TOMM70: variants seen among roughly 807,000 people sequenced by gnomAD.
TOMM70 encodes mitochondrial import receptor subunit TOM70.
Under a neutral mutation model 73.6 loss-of-function variants are expected in TOMM70, and 13 were observed. The observed-to-expected ratio is 0.18, with a 90% CI of 0.11 to 0.28. The LOEUF (loss-of-function observed/expected upper bound fraction) is 0.28. Among genes scored for constraint, TOMM70 ranks in the 10% least tolerant of loss-of-function variants. The pLI, the probability that TOMM70 is intolerant of heterozygous loss-of-function variation, is 1.00. For synonymous variants in TOMM70, 257 were observed against 271.2 expected (o/e 0.95, Z 0.51); for missense variants, 609 against 747.5 (o/e 0.81, Z 2.16).
chr3:100,363,858 C>G lies in TOMM70; in HGVS notation c.*1706G>C, dbSNP rs543963797. The G allele has an allele frequency of 8.5e-5, 13 of 152,254 alleles. 1 individual carries two copies. The South Asian group carries it at 2.3e-3, about 27-fold the overall frequency. 9.4% of individuals were successfully genotyped at this position (152,254 alleles called of 1,614,324 possible). On this transcript the variant is annotated 3_prime_UTR_variant, in exon 12 of 12. Transcript: ENST00000284320. Reference sequence around the variant, plus strand: ...TCATCTTGAATTATATTAACTGCACCAACTAATTAGTGACCTCCTCAATAT... The same window carrying G: ...TCATCTTGAATTATATTAACTGCACGAACTAATTAGTGACCTCCTCAATAT...
intron 1 of TOMM70, among the ~76,000 whole-genome samples, chr3:100,393,185 A>AAT (rs1553738996): frequency 6.6e-6 from 1 of 152,092 alleles, no homozygotes; most frequent in African/African-American, 2.4e-5. Context: ...TCAAAAAAAA[A>AAT]AAAAAAAAGA....
intron 1 of TOMM70, among the ~76,000 whole-genome samples, chr3:100,396,761 C>T (rs779090554): frequency 3.9e-5 from 6 of 152,110 alleles, no homozygotes; most frequent in Non-Finnish European, 8.8e-5. Context: ...ACTTTAAGCA[C>T]CTCAGTCTTA....
chr3:100,387,453 C>G (rs1706704303), intron 1 of TOMM70, among the ~76,000 whole-genome samples: 1 of 151,520 alleles, frequency 6.6e-6, no homozygotes, highest in Non-Finnish European at 1.5e-5. Context: ...TCTCCGCCTG[C>G]CCCCCCAAAA....
At chr3:100,384,370 T>C (rs1706667587) in intron 4 of TOMM70, 109 bp downstream of exon 4, 3 of 657,004 alleles carry the variant, frequency 4.6e-6, no homozygotes, top group Admixed American at 2.9e-5. Flanking sequence ...CCAGTTCTAA[T>C]TGCAGTTGTT....
At chr3:100,398,600 A>G (rs1706850560) in intron 1 of TOMM70, among the ~76,000 whole-genome samples, 1 of 152,182 alleles carries the variant, frequency 6.6e-6, no homozygotes, top group Non-Finnish European at 1.5e-5. Flanking sequence ...TCCTCTTGAT[A>G]ACTACTTTTA....
chr3:100,379,449 C>T (rs1241621675), intron 5 of TOMM70, among the ~76,000 whole-genome samples: 1 of 151,950 alleles, frequency 6.6e-6, no homozygotes, highest in Non-Finnish European at 1.5e-5. Flanking sequence ...CATGGCAAGA[C>T]CCTGTCTCCA....
intron 11 of TOMM70, among the ~76,000 whole-genome samples, chr3:100,367,283 T>A (rs868036000): frequency 5.4e-4 from 64 of 117,440 alleles, no homozygotes; most frequent in African/African-American, 2.8e-3. Flanking sequence ...AGAAACACAA[T>A]TTTTTTTTTA....
intron 3 of TOMM70, among the ~76,000 whole-genome samples, chr3:100,385,901 A>C (rs2148892702): frequency 6.6e-6 from 1 of 152,334 alleles, no homozygotes; most frequent in South Asian, 2.1e-4. Flanking sequence ...AACCTTAGAA[A>C]CACTATCACT....
Position 100,400,762 on chromosome 3 carries a change from T to C in TOMM70, c.188A>G (p.Gln63Arg). The change falls in exon 1 of 12, where the codon CAA (glutamine) becomes CGA (arginine). Residue 63 changes from glutamine (Q) to arginine (R), a missense_variant. Physicochemically the swap from Gln to Arg is conservative, Grantham distance 43. Coordinates refer to ENST00000284320, the MANE Select transcript of TOMM70 (RefSeq NM_014820.5). ...AGAIYLWSRQ[Q>R]RRREARGRGD... Reference sequence around the variant, plus strand: ...CCGGCCTCTGGCCTCCCGGCGCCGTTGCTGCCGACTCCACAGGTATATGGC... The same window carrying C: ...CCGGCCTCTGGCCTCCCGGCGCCGTCGCTGCCGACTCCACAGGTATATGGC... The C allele has an allele frequency of 3.1e-6, 5 of 1,588,288 alleles. No individual in the cohort carries two copies. The highest frequency in any genetic ancestry group is 4.3e-6 in the Non-Finnish European group (5 of 1,171,246).
At chr3:100,388,164 A>T (rs1166573159) in intron 1 of TOMM70, among the ~76,000 whole-genome samples, 1 of 152,252 alleles carries the variant, frequency 6.6e-6, no homozygotes, top group South Asian at 2.1e-4. Context: ...TCAAGGATAC[A>T]TATGTTTCAG....
At chr3:100,374,323 G>A (rs553539442) in intron 7 of TOMM70, among the ~76,000 whole-genome samples, 2 of 152,278 alleles carry the variant, frequency 1.3e-5, no homozygotes, top group Admixed American at 1.3e-4. Context: ...TAGGTCTGTA[G>A]AAGTACACTC....
chr3:100,386,325 G>T lies in TOMM70; in HGVS notation c.518C>A (p.Ala173Glu). The T allele has an allele frequency of 1.9e-6, 3 of 1,603,816 alleles. No homozygotes were observed. The highest frequency in any genetic ancestry group is 1.3e-5 in the African/African-American group (1 of 74,484). The change falls in exon 3 of 12, where the codon GCA (alanine) becomes GAA (glutamate). Residue 173 changes from alanine (A) to glutamate (E), a missense_variant. Transcript: ENST00000284320. The part of the protein sequence containing the change: ...FEQLQKWKEV[A>E]QDCTKAVELN... ...TTCAACAGCTTTTGTACAGTCTTGT[G>T]CCACTTCTTTCCATTTTTGCTGTAA... is the stretch of plus-strand genomic sequence containing the variant.
intron 8 of TOMM70, 97 bp from the exon 9 acceptor site, chr3:100,372,819 A>G: frequency 9.5e-7 from 1 of 1,054,894 alleles, no homozygotes; most frequent in Non-Finnish European, 1.4e-6. Flanking sequence ...TTCCAAAAAA[A>G]CAGGTGATTT....
chr3:100,394,286 T>C (rs556604560), intron 1 of TOMM70, among the ~76,000 whole-genome samples: 4 of 152,230 alleles, frequency 2.6e-5, no homozygotes, highest in African/African-American at 9.6e-5. Context: ...CACAGCTTTA[T>C]AGAAGTAGCA....
intron 1 of TOMM70, among the ~76,000 whole-genome samples, chr3:100,398,456 G>T (rs1411145736): frequency 1.3e-5 from 2 of 150,724 alleles, no homozygotes; most frequent in Non-Finnish European, 2.9e-5. Flanking sequence ...ACAGAACTGA[G>T]AACTTTTTGG....
chr3:100,389,165 C>G (rs1428726774), intron 1 of TOMM70, among the ~76,000 whole-genome samples: 1 of 152,168 alleles, frequency 6.6e-6, no homozygotes. Flanking sequence ...CAGTGCCAGA[C>G]TGTCACCAAC....
At chr3:100,400,529 G>C in intron 1 of TOMM70, 97 bp downstream of exon 1, 1 of 1,404,918 alleles carries the variant, frequency 7.1e-7, no homozygotes, top group East Asian at 2.5e-5. Flanking sequence ...CCGCTTGGCA[G>C]CTTCCGTCTG....
chr3:100,399,710 C>G (rs180987811), intron 1 of TOMM70, among the ~76,000 whole-genome samples: 3 of 149,654 alleles, frequency 2.0e-5, no homozygotes, highest in East Asian at 3.9e-4. Flanking sequence ...TGCTTCCAAT[C>G]AAAAAGTTTA....
intron 1 of TOMM70, among the ~76,000 whole-genome samples, chr3:100,387,907 T>C (rs1706713498): frequency 1.3e-5 from 2 of 152,236 alleles, no homozygotes; most frequent in South Asian, 4.1e-4. Flanking sequence ...AAGGCTGCAG[T>C]ACTTTAAAGT....
Sources: gnomAD v4.1 joint callset for allele counts (sites outside exome capture counted in the v4.1 genomes callset) on GRCh38, gnomAD v4.1.1 for gene constraint, MANE v1.5 for transcripts, NCBI Gene and HGNC (gene_info 2026-07-23, HGNC 2026-07-21) for gene names.